Variants in RAD51B observed in about 807,000 individuals in gnomAD.
The protein encoded by RAD51B is DNA repair protein RAD51 homolog 2.
RAD51B carries 38 observed loss-of-function variants against 42.2 expected under a neutral mutation model. The ratio of observed to expected loss-of-function variants is 0.90; its 90% confidence interval spans 0.70 to 1.18. RAD51B has a LOEUF of 1.18. Among genes scored for constraint, RAD51B ranks in the 50% most tolerant of loss-of-function variants. The pLI is 0.00. For missense variants in RAD51B, 373 were observed against 400.7 expected (o/e 0.93, Z 0.59); for synonymous variants, 154 against 145.2 (o/e 1.06, Z -0.43).
chr14:67,914,997 G>A (rs1483882494), intron 7 of RAD51B, among the ~76,000 whole-genome samples: 1 of 152,152 alleles, frequency 6.6e-6, no homozygotes, highest in African/African-American at 2.4e-5. Context: ...AATACTACAT[G>A]TTCTCACTTC....
rs1196854866 is a variant in RAD51B at position 67,883,918 on chromosome 14, A to G, written c.453-1951A>G. ...TGAAAAGAATGCTTTTTATAAACAGATATCCACTAGATGGCATTATTTTCA... is the reference window on the plus strand; with the variant it reads ...TGAAAAGAATGCTTTTTATAAACAGGTATCCACTAGATGGCATTATTTTCA... On this transcript the variant is annotated intron_variant, in intron 5 of 10. Transcript: ENST00000471583. Among the ~76,000 whole-genome samples, 3 of 152,266 alleles carry G rather than the reference A, an allele frequency of 2.0e-5. No individual in the cohort carries two copies. In the East Asian group the frequency reaches 5.8e-4, roughly 29 times the overall value.
intron 7 of RAD51B, among the ~76,000 whole-genome samples, chr14:68,067,787 C>T (rs1408036788): frequency 6.6e-6 from 1 of 151,776 alleles, no homozygotes; most frequent in African/African-American, 2.4e-5. Flanking sequence ...AAAAAATTAG[C>T]CAGGCTTGGT....
intron 7 of RAD51B, among the ~76,000 whole-genome samples, chr14:68,199,016 GTAC>G (rs1351691369): frequency 6.6e-6 from 1 of 152,168 alleles, no homozygotes; most frequent in Non-Finnish European, 1.5e-5. Context: ...CTCCTACAGA[GTAC>G]CCTCCAGCTA....
intron 11 of RAD51B, among the ~76,000 whole-genome samples, chr14:68,677,123 A>G (rs771844190): frequency 6.6e-6 from 1 of 152,146 alleles, no homozygotes; most frequent in African/African-American, 2.4e-5. Context: ...AATCAAGTCT[A>G]CTGTCCCCTA....
intron 7 of RAD51B, among the ~76,000 whole-genome samples, chr14:67,996,190 G>A (rs899565891): frequency 5.3e-5 from 8 of 151,658 alleles, no homozygotes; most frequent in Non-Finnish European, 8.8e-5. Flanking sequence ...GAGCCCAGGA[G>A]CTCAAGTCCA....
intron 10 of RAD51B, among the ~76,000 whole-genome samples, chr14:68,535,258 A>G (rs1887548950): frequency 6.6e-6 from 1 of 152,182 alleles, no homozygotes; most frequent in Non-Finnish European, 1.5e-5. Context: ...ACTGATTTCA[A>G]AAGTTAGTCT....
intron 7 of RAD51B, among the ~76,000 whole-genome samples, chr14:68,240,999 C>G (rs965005924): frequency 2.6e-5 from 4 of 152,132 alleles, no homozygotes; most frequent in African/African-American, 9.7e-5. Flanking sequence ...GCTTGTTTAT[C>G]GTTTGTTAGC....
chr14:68,457,064 C>A (rs1333606665), intron 9 of RAD51B, among the ~76,000 whole-genome samples: 1 of 151,510 alleles, frequency 6.6e-6, no homozygotes, highest in Non-Finnish European at 1.5e-5. Context: ...AGGCATGCAC[C>A]ACCACACCCA....
intron 7 of RAD51B, among the ~76,000 whole-genome samples, chr14:68,040,701 G>C (rs1463837946): frequency 6.6e-6 from 1 of 152,158 alleles, no homozygotes; most frequent in Non-Finnish European, 1.5e-5. Context: ...ACTTGTCCAG[G>C]TCATGAGGCA....
intron 9 of RAD51B, among the ~76,000 whole-genome samples, chr14:68,460,104 G>T (rs1285750353): frequency 6.6e-6 from 1 of 152,160 alleles, no homozygotes; most frequent in Non-Finnish European, 1.5e-5. Flanking sequence ...TTTTCCTAAG[G>T]TTGGGGCTGT....
At chr14:68,104,825 C>T (rs1566648717) in intron 7 of RAD51B, among the ~76,000 whole-genome samples, 1 of 152,092 alleles carries the variant, frequency 6.6e-6, no homozygotes, top group Non-Finnish European at 1.5e-5. Flanking sequence ...GTTTATTATG[C>T]AGGGTACAGG....
chr14:68,148,625 T>A (rs545963847), intron 7 of RAD51B, among the ~76,000 whole-genome samples: 13 of 152,364 alleles, frequency 8.5e-5, no homozygotes, highest in Non-Finnish European at 8.8e-5. Context: ...TGAATGTTGA[T>A]CTTTTCCTGG....
intron 8 of RAD51B, among the ~76,000 whole-genome samples, chr14:68,315,356 A>G (rs2082035410): frequency 6.6e-6 from 1 of 152,234 alleles, no homozygotes; most frequent in Admixed American, 6.5e-5. Flanking sequence ...CTCTTGGACT[A>G]TCTGATCTTT....
chr14:67,871,226 T>C (rs2042518918), intron 5 of RAD51B, among the ~76,000 whole-genome samples: 1 of 151,786 alleles, frequency 6.6e-6, no homozygotes, highest in East Asian at 1.9e-4. Flanking sequence ...AAGAATCAAA[T>C]AGATGCAATA....
intron 8 of RAD51B, among the ~76,000 whole-genome samples, chr14:68,350,304 T>A (rs1253337021): frequency 6.6e-6 from 1 of 152,258 alleles, no homozygotes; most frequent in Non-Finnish European, 1.5e-5. Flanking sequence ...TTCAGAATGA[T>A]GGCTAAGCAA....
At chr14:68,520,440 A>G (rs951423351) in intron 10 of RAD51B, among the ~76,000 whole-genome samples, 3 of 152,224 alleles carry the variant, frequency 2.0e-5, no homozygotes, top group Non-Finnish European at 4.4e-5. Context: ...CACTCCCCAT[A>G]TTAGACAGTT....
chr14:68,345,880 G>T (rs966717154), intron 8 of RAD51B, among the ~76,000 whole-genome samples: 4 of 152,140 alleles, frequency 2.6e-5, no homozygotes, highest in African/African-American at 9.7e-5. Context: ...GGCTGGCCTC[G>T]AACTCCTGAC....
chr14:68,137,513 A>G (rs887747542), intron 7 of RAD51B, among the ~76,000 whole-genome samples: 2 of 152,230 alleles, frequency 1.3e-5, no homozygotes, highest in African/African-American at 4.8e-5. Context: ...TATCTTTAAT[A>G]GTTGCATGGA....
chr14:68,287,035 C>G (rs982586240), intron 7 of RAD51B, among the ~76,000 whole-genome samples: 1 of 140,390 alleles, frequency 7.1e-6, no homozygotes, highest in Non-Finnish European at 1.5e-5. Context: ...TGGCCAGGAG[C>G]CTCTGCCTTC....
Sources: gnomAD v4.1 joint callset for allele counts (sites outside exome capture counted in the v4.1 genomes callset) on GRCh38, gnomAD v4.1.1 for gene constraint, MANE v1.5 for transcripts, NCBI Gene and HGNC (gene_info 2026-07-23, HGNC 2026-07-21) for gene names.